NCDN: variants seen among roughly 807,000 people sequenced by gnomAD.
The protein encoded by NCDN is norbin.
A neutral mutation model predicts 60.7 loss-of-function variants in NCDN; 9 were observed. The ratio of observed to expected loss-of-function variants is 0.15; its 90% CI spans 0.09 to 0.26. The LOEUF (loss-of-function observed/expected upper bound fraction) is 0.26. Ranked by LOEUF, NCDN falls within the 10% of genes least tolerant of loss-of-function variation. NCDN has a pLI of 1.00. For missense variants in NCDN, 578 were observed against 975.2 expected, an observed-to-expected ratio of 0.59 and a Z score of 5.42; for synonymous variants, 409 against 442.5, an observed-to-expected ratio of 0.92 and a Z score of 0.95.
At position 35,562,362 on chromosome 1, in the gene NCDN, C is replaced by T; in HGVS notation, c.1144-30C>T. 6.2e-7 allele frequency: 1 copy of T among 1,609,130 alleles called. No homozygotes were observed. The highest frequency in any genetic ancestry group is 1.1e-5 in the South Asian group (1 of 90,362). ...AAGGCAGGGAGGGTCCCTGGTCCTG[C>T]TCCATCTCAAGGGGGTCCTGTGGCA... On this transcript the variant is annotated intron_variant, in intron 3 of 6. Transcript: ENST00000373243. This position sits in a 1 kb window ranked among gnomAD's most constrained non-coding sequence, Gnocchi z 6.8.
At position 35,560,367 on chromosome 1, in the gene NCDN, T is replaced by A; in HGVS notation, c.216T>A (p.Thr72=). The change falls in exon 3 of 7, where the codon ACT becomes ACA. Residue 72 remains threonine, a synonymous_variant. Coordinates refer to ENST00000373243, the MANE Select transcript of NCDN (RefSeq NM_014284.3). This position sits in a 1 kb window ranked among gnomAD's most constrained non-coding sequence, Gnocchi z 7.6. ...AVKAGDIDAK[T]RRRIFDAVGF... ...AAGCAGGTGACATAGATGCCAAAAC[T>A]CGGCGGCGGATCTTCGATGCTGTCG... 5 of 1,613,924 alleles carry A rather than the reference T, an allele frequency of 3.1e-6. No individual in the cohort carries two copies. The highest frequency in any genetic ancestry group is 4.2e-6 in the Non-Finnish European group (5 of 1,180,038).
intron 6 of NCDN, among the ~76,000 whole-genome samples, chr1:35,564,856 T>C (rs1163082183): frequency 6.6e-6 from 1 of 152,086 alleles, no homozygotes; most frequent in East Asian, 1.9e-4. Context: ...GCAACTCCCT[T>C]AACCTGTGTC....
intron 1 of NCDN, 53 bp from the exon 2 acceptor site, chr1:35,559,043 TCACCCCCACCC>T: frequency 7.0e-6 from 6 of 854,646 alleles, no homozygotes; most frequent in Non-Finnish European, 8.6e-6. Context: ...TCCTCCACTC[TCACCCCCACCC>T]CACCCCCGTC....
At position 35,565,444 on chromosome 1, in the gene NCDN, T is replaced by A; in HGVS notation, c.1971T>A (p.Ala657=). The stretch of plus-strand genomic sequence containing the variant: ...CTCTGCTGCCCTGGCTGGCCCCCGC[T>A]GCCCTGCGCTCCCGCTGGCCGCAGG... ...CVPLLPWLAP[A]ALRSRWPQEL... is the part of the protein sequence containing the mutation. Residue 657 remains alanine (A), a synonymous_variant, in exon 7 of 7, where the codon GCT becomes GCA. Coordinates refer to ENST00000373243, the MANE Select transcript of NCDN (RefSeq NM_014284.3). This position sits in a 1 kb window ranked among gnomAD's most constrained non-coding sequence, Gnocchi z 8.9. 1 of 1,611,446 alleles carries A rather than the reference T, an allele frequency of 6.2e-7. No individual in the cohort carries two copies. Among genetic ancestry groups the A allele is most frequent in the Non-Finnish European group, 8.5e-7 (1 of 1,179,100 alleles).
chr1:35,560,947 G>A lies in NCDN; in HGVS notation c.796G>A (p.Ala266Thr). 1.2e-6 allele frequency: 2 copies of A among 1,612,778 alleles called. No homozygotes were observed. Among genetic ancestry groups the A allele is most frequent in the Non-Finnish European group, 1.7e-6 (2 of 1,179,008 alleles). The stretch of plus-strand genomic sequence containing the variant: ...CTACCGGGATCTGCAGGCCGGGCTG[G>A]CACGCATCCTGGGAAGCAAGCTGAG... Reference protein sequence around the residue: ...ECYRDLQAGLARILGSKLSSW... With the variant: ...ECYRDLQAGLTRILGSKLSSW... The change falls in exon 3 of 7, where the codon GCA becomes ACA. Residue 266 changes from alanine (A) to threonine (T), a missense_variant. Ala to Thr is a moderately conservative substitution (Grantham distance 58, BLOSUM62 0). This residue lies in a region of NCDN where 363 missense variants were observed against 583.6 expected (regional missense o/e 0.62). Coordinates refer to ENST00000373243, the MANE Select transcript of NCDN (RefSeq NM_014284.3). This position sits in a 1 kb window ranked among gnomAD's most constrained non-coding sequence, Gnocchi z 7.6.
In NCDN at chr1:35,558,786, G is replaced by A; in HGVS notation, c.34-321G>A. On this transcript the variant is annotated intron_variant, in intron 1 of 6. Coordinates refer to ENST00000373243, the MANE Select transcript of NCDN (RefSeq NM_014284.3). The surrounding 1 kb of genome is among the most constrained non-coding windows in gnomAD (Gnocchi z 6.3). ...CCTCCGGTGCCAGGGGGACAGCTGAGCAGTGGGGCCAGCTCCCGCCCACCC... is the reference window on the plus strand; with the variant it reads ...CCTCCGGTGCCAGGGGGACAGCTGAACAGTGGGGCCAGCTCCCGCCCACCC... 1.9e-6 allele frequency: 2 copies of A among 1,036,290 alleles called. No homozygotes were observed. The highest frequency in any genetic ancestry group is 2.5e-6 in the Non-Finnish European group (2 of 803,482). 64.2% of individuals were successfully genotyped at this position (1,036,290 alleles called of 1,614,324 possible). A position where few individuals can be genotyped will look rare whatever the true frequency, so the allele number is the denominator to read the frequency against.
At position 35,566,539 on chromosome 1, in the gene NCDN, C is replaced by T. The variant is rs1648882037; in HGVS notation, c.*876C>T. The T allele has an allele frequency of 6.3e-6, 2 of 318,666 alleles. No homozygotes were observed. The highest frequency in any genetic ancestry group is 1.3e-5 in the Non-Finnish European group (2 of 159,338). The allele number at this position is 318,666 out of a possible 1,614,324, so 19.7% of individuals were successfully genotyped here. A position where few individuals can be genotyped will look rare whatever the true frequency, so the allele number is the denominator to read the frequency against. Reference sequence around the variant, plus strand: ...ACTCCACTGCCACCGTGGTGCCTGGCTTTAACTCCCACCCCTGCTATGACT... The same window carrying T: ...ACTCCACTGCCACCGTGGTGCCTGGTTTTAACTCCCACCCCTGCTATGACT... On this transcript the variant is annotated 3_prime_UTR_variant, in exon 7 of 7. Coordinates refer to ENST00000373243, the MANE Select transcript of NCDN (RefSeq NM_014284.3). This position sits in a 1 kb window ranked among gnomAD's most constrained non-coding sequence, Gnocchi z 5.3.
chr1:35,563,176 C>T lies in NCDN; in HGVS notation c.1386-26C>T. The T allele has an allele frequency of 1.9e-6, 3 of 1,588,410 alleles. No individual in the cohort carries two copies. Among genetic ancestry groups the T allele is most frequent in the Non-Finnish European group, 1.7e-6 (2 of 1,162,512 alleles). On this transcript the variant is annotated intron_variant, in intron 4 of 6. Coordinates refer to ENST00000373243, the MANE Select transcript of NCDN (RefSeq NM_014284.3). The surrounding 1 kb of genome is among the most constrained non-coding windows in gnomAD (Gnocchi z 6.6). The stretch of plus-strand genomic sequence containing the variant: ...TGCCTTCATCTCTCCCAATCCCACA[C>T]ACGTCTGTCCCTTCCACATCCCCAG...
chr1:35,564,266 T>C (rs1015837839), intron 6 of NCDN, among the ~76,000 whole-genome samples: 5 of 152,098 alleles, frequency 3.3e-5, no homozygotes, highest in Admixed American at 6.5e-5. Flanking sequence ...TTCCTTCCAT[T>C]GATGTTTTTC....
Position 35,558,313 on chromosome 1 carries a change from C to T in NCDN, c.33+90C>T, listed in dbSNP as rs1455589357. 1 of 1,593,588 alleles carries T rather than the reference C, an allele frequency of 6.3e-7. No individual in the cohort carries two copies. Among genetic ancestry groups the T allele is most frequent in the East Asian group, 2.2e-5 (1 of 44,478 alleles). On this transcript the variant is annotated intron_variant, in intron 1 of 6. Transcript: ENST00000373243. The surrounding 1 kb of genome is among the most constrained non-coding windows in gnomAD (Gnocchi z 6.3). ...ATCCGGCTTTTGGATTCTCCGTTGT[C>T]CTGGGAACTATCCGGGACCCCCTCT...
intron 1 of NCDN, 42 bp from the exon 2 acceptor site, chr1:35,559,065 C>T: frequency 6.6e-7 from 1 of 1,519,518 alleles, no homozygotes; most frequent in Non-Finnish European, 9.0e-7. Context: ...CACCCCCGTC[C>T]CTCCTCTGCA....
chr1:35,562,307 T>A lies in NCDN; in HGVS notation c.1144-85T>A. 1 of 1,544,628 alleles carries A rather than the reference T, an allele frequency of 6.5e-7. No individual in the cohort carries two copies. Among genetic ancestry groups the A allele is most frequent in the African/African-American group, 1.4e-5 (1 of 73,018 alleles). ...TCACAGGCCAGAATTTCCTTCTAGT[T>A]GTATTATTTCTAGCTGGCTGGCCTC... On this transcript the variant is annotated intron_variant, in intron 3 of 6. Coordinates refer to ENST00000373243, the MANE Select transcript of NCDN (RefSeq NM_014284.3). The surrounding 1 kb of genome is among the most constrained non-coding windows in gnomAD (Gnocchi z 6.8).
In NCDN at chr1:35,558,537, C is replaced by T. The variant is rs1294556530; in HGVS notation, c.33+314C>T. On this transcript the variant is annotated intron_variant, in intron 1 of 6. Transcript: ENST00000373243. The surrounding 1 kb of genome is among the most constrained non-coding windows in gnomAD (Gnocchi z 6.3). ...GCCCTGGCTGGAGGGGTGGGGTCCC[C>T]AAAGGGGCCTCCAAGCCTTCCCTGT... The T allele has an allele frequency of 7.5e-7, 1 of 1,339,298 alleles. No homozygotes were observed. Among genetic ancestry groups the T allele is most frequent in the Admixed American group, 3.3e-5 (1 of 30,324 alleles). 83.0% of individuals were successfully genotyped at this position (1,339,298 alleles called of 1,614,324 possible).
Position 35,562,286 on chromosome 1 carries a change from A to G in NCDN, c.1144-106A>G, listed in dbSNP as rs2148538821. On this transcript the variant is annotated intron_variant, in intron 3 of 6. Transcript: ENST00000373243. This position sits in a 1 kb window ranked among gnomAD's most constrained non-coding sequence, Gnocchi z 6.8. ...TGGGGCCTGCCTTTGAAAGGCTCAC[A>G]GGCCAGAATTTCCTTCTAGTTGTAT... 1 of 1,503,102 alleles carries G rather than the reference A, an allele frequency of 6.7e-7. No homozygotes were observed. The highest frequency in any genetic ancestry group is 9.0e-7 in the Non-Finnish European group (1 of 1,111,318). The allele number at this position is 1,503,102 out of a possible 1,614,324, so 93.1% of individuals were successfully genotyped here.
Position 35,561,397 on chromosome 1 carries a change from A to C in NCDN, c.1143+103A>C, listed in dbSNP as rs138111798. 825 of 1,438,836 alleles carry C rather than the reference A, an allele frequency of 5.7e-4. 8 individuals carry two copies. In the African/African-American group the frequency reaches 0.01, roughly 18 times the overall value. 89.1% of individuals were successfully genotyped at this position (1,438,836 alleles called of 1,614,324 possible). On this transcript the variant is annotated intron_variant, in intron 3 of 6. Transcript: ENST00000373243. The surrounding 1 kb of genome is among the most constrained non-coding windows in gnomAD (Gnocchi z 4.9). ...AATAATGGGGAGACAGCGAAGCTGC[A>C]TGTCCACACAAGCTGATACTGTAGC...
At chr1:35,564,849 A>G (rs1175723173) in intron 6 of NCDN, among the ~76,000 whole-genome samples, 1 of 150,894 alleles carries the variant, frequency 6.6e-6, no homozygotes, top group Non-Finnish European at 1.5e-5. Flanking sequence ...AAATGGTGCA[A>G]CTCCCTTAAC....
Position 35,558,961 on chromosome 1 carries a change from G to C in NCDN, c.34-146G>C, listed in dbSNP as rs1228999089. ...CCCTTAAAGGGGCTTCTGGGGGGAG[G>C]TCAGTCCTGAGGAGTCCACCCCTCC... is the stretch of plus-strand genomic sequence containing the variant. On this transcript the variant is annotated intron_variant, in intron 1 of 6. Coordinates refer to ENST00000373243, the MANE Select transcript of NCDN (RefSeq NM_014284.3). This position sits in a 1 kb window ranked among gnomAD's most constrained non-coding sequence, Gnocchi z 6.3. 6.8e-6 allele frequency: 6 copies of C among 887,654 alleles called. No homozygotes were observed. In the African/African-American group the frequency reaches 1.0e-4, roughly 15 times the overall value. 55.0% of individuals were successfully genotyped at this position (887,654 alleles called of 1,614,324 possible).
At position 35,563,752 on chromosome 1, in the gene NCDN, C is replaced by G; in HGVS notation, c.1611-15C>G. ...ACCCCCACCTACCTCCATCCTTCCCCCCTTTCTTTTCCAGGCGTGACGCCT... is the reference window on the plus strand; with the variant it reads ...ACCCCCACCTACCTCCATCCTTCCCGCCTTTCTTTTCCAGGCGTGACGCCT... On this transcript the variant is annotated splice_polypyrimidine_tract_variant and intron_variant, in intron 5 of 6. Coordinates refer to ENST00000373243, the MANE Select transcript of NCDN (RefSeq NM_014284.3). The surrounding 1 kb of genome is among the most constrained non-coding windows in gnomAD (Gnocchi z 6.6). 6.2e-7 allele frequency: 1 copy of G among 1,613,444 alleles called. No homozygotes were observed. Among genetic ancestry groups the G allele is most frequent in the Admixed American group, 1.7e-5 (1 of 59,958 alleles).
rs1300847448 is a variant in NCDN, at chr1:35,565,508, G to A, written c.2035G>A (p.Val679Ile). 6.3e-7 allele frequency: 1 copy of A among 1,582,762 alleles called. No homozygotes were observed. Among genetic ancestry groups the A allele is most frequent in the Admixed American group, 1.8e-5 (1 of 54,208 alleles). Reference protein sequence around the residue: ...QLLGSVSPNSVKPEMVAAYQG... With the variant: ...QLLGSVSPNSIKPEMVAAYQG... ...GCTAGGCAGTGTCAGCCCCAACTCT[G>A]TCAAGCCCGAGATGGTGGCCGCCTA... Residue 679 changes from valine to isoleucine, a missense_variant, in exon 7 of 7, where the codon GTC (valine) becomes ATC (isoleucine). Physicochemically the swap from Val to Ile is conservative, Grantham distance 29. This residue lies in a region of NCDN where 191 missense variants were observed against 372.1 expected (regional missense o/e 0.51). Transcript: ENST00000373243. This position sits in a 1 kb window ranked among gnomAD's most constrained non-coding sequence, Gnocchi z 8.9.
Sources: allele counts gnomAD v4.1 joint callset (sites outside exome capture counted in the v4.1 genomes callset), GRCh38; gene constraint gnomAD v4.1.1; regional missense constraint gnomAD v4.1.1; non-coding constraint Gnocchi (gnomAD v3.1); transcripts MANE v1.5; gene names NCBI Gene and HGNC (gene_info 2026-07-23, HGNC 2026-07-21).